MIER1: variants seen among roughly 807,000 people sequenced by gnomAD.
The protein encoded by MIER1 is mesoderm induction early response protein 1.
Under a neutral mutation model 75.7 loss-of-function variants are expected in MIER1, and 40 were observed. The observed-to-expected ratio is 0.53, with a 90% CI of 0.41 to 0.69. The LOEUF (loss-of-function observed/expected upper bound fraction) is 0.69. Among genes scored for constraint, MIER1 ranks in the 30% least tolerant of loss-of-function variants. MIER1 has a pLI of 0.00. For synonymous variants in MIER1, 213 were observed against 223.4 expected (o/e 0.95, Z 0.42); for missense variants, 574 against 680.2 (o/e 0.84, Z 1.74).
intron 2 of MIER1, among the ~76,000 whole-genome samples, chr1:66,939,130 A>G (rs1212464816): frequency 6.6e-6 from 1 of 152,124 alleles, no homozygotes; most frequent in Non-Finnish European, 1.5e-5. Flanking sequence ...CATGAAATAG[A>G]TACTTCTGAA....
At chr1:66,974,280 G>T (rs1031449897) in intron 11 of MIER1, among the ~76,000 whole-genome samples, 3 of 151,870 alleles carry the variant, frequency 2.0e-5, no homozygotes, top group African/African-American at 7.3e-5. Context: ...TACCCCTAAT[G>T]TTGTGTTCAT....
intron 13 of MIER1, among the ~76,000 whole-genome samples, chr1:66,983,666 G>A (rs1248421507): frequency 2.0e-5 from 3 of 152,002 alleles, no homozygotes; most frequent in South Asian, 2.1e-4. Context: ...TGGATAGTGC[G>A]GCATTAGTTT....
chr1:66,928,356 T>C (rs1250250988), intron 2 of MIER1, among the ~76,000 whole-genome samples: 2 of 152,180 alleles, frequency 1.3e-5, no homozygotes, highest in Non-Finnish European at 2.9e-5. Context: ...GGATTTCTGT[T>C]GGTAGTTTAA....
rs766239747 is a variant in MIER1, at chr1:66,970,908, G to A, written c.873G>A (p.Glu291=). 2 of 1,589,238 alleles carry A rather than the reference G, an allele frequency of 1.3e-6. No homozygotes were observed. The highest frequency in any genetic ancestry group is 1.7e-6 in the Non-Finnish European group (2 of 1,173,002). The change falls in exon 9 of 14, where the codon GAG becomes GAA. Residue 291 remains glutamate, a synonymous_variant. Transcript: ENST00000401041. The part of the protein sequence containing the change: ...LKDASRRTGD[E]KGVEAIPEGS... ...ATGCATCTAGAAGAACAGGTGATGA[G>A]AAGGGTGTAGAAGCAATTCCTGAAG...
At chr1:66,958,320 G>A in intron 5 of MIER1, 100 bp downstream of exon 5, 2 of 439,354 alleles carry the variant, frequency 4.6e-6, no homozygotes, top group African/African-American at 2.7e-5. Context: ...ATCTTTTCCT[G>A]ATTTTAAAAG....
At chr1:66,967,200 G>A (rs140539329) in intron 8 of MIER1, among the ~76,000 whole-genome samples, 254 of 152,172 alleles carry the variant, frequency 1.7e-3, no homozygotes, top group African/African-American at 5.9e-3. Flanking sequence ...AGATATAGGG[G>A]TCTAGTTCCA....
At chr1:66,930,384 C>A in intron 2 of MIER1, 1 of 1,608,176 alleles carries the variant, frequency 6.2e-7, no homozygotes. Flanking sequence ...CCCGGCAGTA[C>A]GGCAAATATG....
chr1:66,947,268 A>G (rs1434876023), intron 4 of MIER1: 1 of 152,398 alleles, frequency 6.6e-6, no homozygotes, highest in African/African-American at 2.4e-5. Flanking sequence ...TTATATTTCT[A>G]GCATTAACCT....
chr1:66,967,222 A>C (rs992612023), intron 8 of MIER1, among the ~76,000 whole-genome samples: 1 of 152,128 alleles, frequency 6.6e-6, no homozygotes, highest in African/African-American at 2.4e-5. Flanking sequence ...TCTTCTGCAT[A>C]TGGATATCCA....
At chr1:66,976,143 A>G (rs1395533667) in intron 11 of MIER1, among the ~76,000 whole-genome samples, 1 of 151,898 alleles carries the variant, frequency 6.6e-6, no homozygotes, top group African/African-American at 2.4e-5. Context: ...AGCTGGGATT[A>G]CAGGCACCTG....
intron 11 of MIER1, among the ~76,000 whole-genome samples, chr1:66,973,733 AG>A (rs1664151277): frequency 6.6e-6 from 1 of 152,152 alleles, no homozygotes; most frequent in Non-Finnish European, 1.5e-5. Context: ...AGATTAGGAC[AG>A]GCAGAATTAA....
At chr1:66,954,908 C>A (rs2985830) in intron 4 of MIER1, among the ~76,000 whole-genome samples, 1 of 151,866 alleles carries the variant, frequency 6.6e-6, no homozygotes, top group African/African-American at 2.4e-5. Context: ...GGGGTTTTGC[C>A]TTGTTGGCCA....
In MIER1 at chr1:66,940,020, C is replaced by T; in HGVS notation, c.169-8C>T. On this transcript the variant is annotated splice_region_variant and splice_polypyrimidine_tract_variant and intron_variant, in intron 2 of 13. Transcript: ENST00000401041. ...ATACTAATTTTTCCTCTTTTCTCCC[C>T]TTCTCAGCCATCTGTTGAATCTTCA... is the stretch of plus-strand genomic sequence containing the variant. 6.2e-7 allele frequency: 1 copy of T among 1,602,454 alleles called. No individual in the cohort carries two copies. Among genetic ancestry groups the T allele is most frequent in the African/African-American group, 1.3e-5 (1 of 74,738 alleles).
At chr1:66,939,337 A>T (rs987974804) in intron 2 of MIER1, among the ~76,000 whole-genome samples, 2 of 152,144 alleles carry the variant, frequency 1.3e-5, no homozygotes, top group African/African-American at 4.8e-5. Context: ...TAAATTTTCA[A>T]GTTGTTTGTG....
intron 3 of MIER1, among the ~76,000 whole-genome samples, chr1:66,942,566 C>T (rs1262604629): frequency 6.6e-6 from 1 of 152,080 alleles, no homozygotes; most frequent in Non-Finnish European, 1.5e-5. Flanking sequence ...AGCACCAGAG[C>T]CATTACCTCT....
chr1:66,973,244 C>G (rs972951888), intron 11 of MIER1, among the ~76,000 whole-genome samples: 4 of 152,044 alleles, frequency 2.6e-5, no homozygotes, highest in Non-Finnish European at 4.4e-5. Flanking sequence ...TGTTAATCAA[C>G]TTCTAGTTGG....
rs1663447854 is a variant in MIER1 at position 66,970,825 on chromosome 1, C to G, written c.790C>G (p.Gln264Glu). The G allele has an allele frequency of 6.4e-7, 1 of 1,558,000 alleles. No homozygotes were observed. The highest frequency in any genetic ancestry group is 2.3e-5 in the East Asian group (1 of 43,312). ...TAATTTAGTATATGAAAATGATGATCAGCTCCTGTGGGACCCTGAGTACTT... is the reference window on the plus strand; with the variant it reads ...TAATTTAGTATATGAAAATGATGATGAGCTCCTGTGGGACCCTGAGTACTT... ...ENEKVYENDD[Q>E]LLWDPEYLPE... Residue 264 changes from glutamine to glutamate, a missense_variant, in exon 9 of 14, where the codon CAG (glutamine) becomes GAG (glutamate). By Grantham distance (29) the Gln-to-Glu change is conservative. Around this residue, in one of 3 missense-constraint regions of MIER1, gnomAD observed 309 missense variants for 352.8 expected, o/e 0.88. Transcript: ENST00000401041.
chr1:66,955,594 A>G (rs1659961073), intron 4 of MIER1, among the ~76,000 whole-genome samples: 1 of 152,094 alleles, frequency 6.6e-6, no homozygotes, highest in Non-Finnish European at 1.5e-5. Flanking sequence ...TGGCTATGTA[A>G]TTAGCTGTGT....
At chr1:66,969,188 G>A (rs1663045186) in intron 8 of MIER1, among the ~76,000 whole-genome samples, 1 of 152,032 alleles carries the variant, frequency 6.6e-6, no homozygotes, top group African/African-American at 2.4e-5. Context: ...TCTATTTTGG[G>A]AAACAAGGGA....
Sources: gnomAD v4.1 joint callset for allele counts (sites outside exome capture counted in the v4.1 genomes callset) on GRCh38, gnomAD v4.1.1 for gene constraint, gnomAD v4.1.1 regional missense constraint, MANE v1.5 for transcripts, NCBI Gene and HGNC (gene_info 2026-07-23, HGNC 2026-07-21) for gene names.